TENM2: variants seen among roughly 807,000 people sequenced by gnomAD.
TENM2 encodes the protein teneurin transmembrane protein 2, also known as teneurin-2.
TENM2 carries 52 observed loss-of-function variants against 245.2 expected under a neutral mutation model. The observed-to-expected ratio is 0.21, with a 90% CI of 0.17 to 0.27. The LOEUF (loss-of-function observed/expected upper bound fraction) is 0.27, where lower values mean the gene tolerates loss of function less well. TENM2 is among the 10% of genes least tolerant of loss of function. The pLI, the probability that TENM2 is intolerant of heterozygous loss-of-function variation, is 1.00. For missense variants in TENM2, 3,046 were observed against 3,666.8 expected, an observed-to-expected ratio of 0.83 and a Z score of 4.37; for synonymous variants, 1,363 against 1,438.9, an observed-to-expected ratio of 0.95 and a Z score of 1.19.
chr5:167,657,107 T>A (rs1344840357), intron 2 of TENM2, among the ~76,000 whole-genome samples: 2 of 152,168 alleles, frequency 1.3e-5, no homozygotes, highest in African/African-American at 4.8e-5. Flanking sequence ...ATTCTGCCTA[T>A]CCCCTTCTTC....
chr5:167,981,992 A>G (rs566583004), intron 4 of TENM2, among the ~76,000 whole-genome samples: 2 of 151,302 alleles, frequency 1.3e-5, no homozygotes, highest in African/African-American at 4.9e-5. Context: ...AAAAAAAAAA[A>G]AAAGAAAAAA....
At chr5:167,606,373 G>T (rs1777047522) in intron 2 of TENM2, among the ~76,000 whole-genome samples, 1 of 152,036 alleles carries the variant, frequency 6.6e-6, no homozygotes, top group African/African-American at 2.4e-5. Context: ...AGCTGGGGGA[G>T]AAGGGGACAT....
At chr5:167,592,420 C>T (rs1775941345) in intron 2 of TENM2, among the ~76,000 whole-genome samples, 1 of 152,088 alleles carries the variant, frequency 6.6e-6, no homozygotes, top group Non-Finnish European at 1.5e-5. Flanking sequence ...TGTAATTCTC[C>T]ATTTGTGGGC....
At chr5:167,868,443 A>C (rs1772520540) in intron 2 of TENM2, among the ~76,000 whole-genome samples, 1 of 152,042 alleles carries the variant, frequency 6.6e-6, no homozygotes, top group Non-Finnish European at 1.5e-5. Context: ...TCTGTATTTA[A>C]ATTTTAAGAT....
chr5:167,560,912 G>A (rs1331826172), intron 2 of TENM2, among the ~76,000 whole-genome samples: 3 of 120,150 alleles, frequency 2.5e-5, no homozygotes, highest in Non-Finnish European at 6.0e-5. Context: ...GAACTGGGGA[G>A]AAGGTGGGCT....
rs75371124 is a variant in TENM2, at chr5:167,919,773, T to C, written c.713-32815T>C. The stretch of plus-strand genomic sequence containing the variant: ...GAATTTATGAGAAGCAAACTGAAAA[T>C]GTATGAGTGCCTATCAGAGTGCTTT... On this transcript the variant is annotated intron_variant, in intron 3 of 28. Transcript: ENST00000518659. Among the ~76,000 whole-genome samples, 818 of 152,240 alleles carry C rather than the reference T, an allele frequency of 5.4e-3. 6 individuals carry two copies. Among genetic ancestry groups the C allele is most frequent in the Non-Finnish European group, 8.3e-3 (562 of 68,012 alleles).
the TENM2 span, among the ~76,000 whole-genome samples, chr5:167,269,211 G>A: frequency 6.6e-6 from 1 of 152,068 alleles, no homozygotes; most frequent in Non-Finnish European, 1.5e-5. Context: ...GCAGTTAACA[G>A]CTAAGAAAGA....
At chr5:167,504,992 C>A (rs1190132152) in intron 2 of TENM2, among the ~76,000 whole-genome samples, 2 of 152,222 alleles carry the variant, frequency 1.3e-5, no homozygotes, top group East Asian at 3.9e-4. Context: ...GGTGGTTTCC[C>A]TCTTTCTGCC....
At chr5:168,180,745 T>TA (rs1277484868) in intron 13 of TENM2, among the ~76,000 whole-genome samples, 1 of 151,708 alleles carries the variant, frequency 6.6e-6, no homozygotes, top group East Asian at 1.9e-4. Context: ...AAAATAAAAA[T>TA]AAAAAAATTA....
At chr5:167,813,620 C>T (rs1766810258) in intron 2 of TENM2, among the ~76,000 whole-genome samples, 1 of 152,074 alleles carries the variant, frequency 6.6e-6, no homozygotes, top group Non-Finnish European at 1.5e-5. Flanking sequence ...AGTATGTTGA[C>T]AAATTGAAGC....
intron 27 of TENM2, among the ~76,000 whole-genome samples, chr5:168,256,623 C>T (rs948593097): frequency 1.3e-4 from 20 of 152,122 alleles, no homozygotes; most frequent in Admixed American, 5.9e-4. Flanking sequence ...CGAGGTTTCA[C>T]CATATTGGCC....
At chr5:167,920,753 C>G (rs948275617) in intron 3 of TENM2, among the ~76,000 whole-genome samples, 1 of 152,164 alleles carries the variant, frequency 6.6e-6, no homozygotes, top group African/African-American at 2.4e-5. Context: ...AAAACAGGAA[C>G]AGTTTTCTGT....
intron 5 of TENM2, among the ~76,000 whole-genome samples, chr5:168,030,884 G>C (rs765127088): frequency 2.0e-5 from 3 of 152,154 alleles, no homozygotes; most frequent in Non-Finnish European, 2.9e-5. Flanking sequence ...TGCCAGTCTG[G>C]GTGGAAAATG....
intron 2 of TENM2, among the ~76,000 whole-genome samples, chr5:167,472,400 A>G (rs1320493304): frequency 6.6e-6 from 1 of 152,174 alleles, no homozygotes; most frequent in Non-Finnish European, 1.5e-5. Context: ...TAGCCGCAAT[A>G]GTTTAATTTT....
chr5:168,042,427 GA>G (rs1788271156), intron 5 of TENM2, among the ~76,000 whole-genome samples: 2 of 152,248 alleles, frequency 1.3e-5, no homozygotes, highest in Non-Finnish European at 1.5e-5. Flanking sequence ...CTGACATATT[GA>G]TTGACTCTCT....
the TENM2 span, among the ~76,000 whole-genome samples, chr5:167,196,050 G>C: frequency 6.6e-6 from 1 of 151,920 alleles, no homozygotes; most frequent in Non-Finnish European, 1.5e-5. Flanking sequence ...TTTTGTCTTT[G>C]AGCAAGCATC....
chr5:167,560,029 G>C (rs185448830), intron 2 of TENM2, among the ~76,000 whole-genome samples: 1 of 151,812 alleles, frequency 6.6e-6, no homozygotes, highest in Non-Finnish European at 1.5e-5. Flanking sequence ...TGGCATCTCA[G>C]ATCCGTACTG....
At chr5:168,152,224 T>G (rs1227895953) in intron 12 of TENM2, among the ~76,000 whole-genome samples, 1 of 152,170 alleles carries the variant, frequency 6.6e-6, no homozygotes, top group East Asian at 1.9e-4. Flanking sequence ...CTGTGAGGGG[T>G]TTGCTATTTT....
chr5:166,996,297 C>T, the TENM2 span, among the ~76,000 whole-genome samples: 1 of 151,764 alleles, frequency 6.6e-6, no homozygotes, highest in South Asian at 2.1e-4. Context: ...GAGTGGAGAT[C>T]GCGCCACTGC....
Sources: gnomAD v4.1 joint callset for allele counts (sites outside exome capture counted in the v4.1 genomes callset) on GRCh38, gnomAD v4.1.1 for gene constraint, MANE v1.5 for transcripts, NCBI Gene and HGNC (gene_info 2026-07-23, HGNC 2026-07-21) for gene names.